Variants in NSUN7 observed in about 807,000 individuals in gnomAD.
NSUN7 encodes the protein protein NSUN7.
A neutral mutation model predicts 58.5 loss-of-function variants in NSUN7; 39 were observed. The observed-to-expected ratio is 0.67, with a 90% confidence interval of 0.52 to 0.87. NSUN7 has a LOEUF of 0.87. Among genes scored for constraint, NSUN7 ranks in the 40% least tolerant of loss-of-function variants. The probability of loss-of-function intolerance (pLI) is 0.00; values close to 1 mark genes in which losing one functional copy is unlikely to be tolerated. For missense variants in NSUN7, 765 were observed against 844.1 expected, an observed-to-expected ratio of 0.91 and a Z score of 1.16; for synonymous variants, 278 against 303.7, an observed-to-expected ratio of 0.92 and a Z score of 0.88.
At chr4:40,791,470 C>T (rs1273571357) in intron 8 of NSUN7, among the ~76,000 whole-genome samples, 4 of 152,108 alleles carry the variant, frequency 2.6e-5, no homozygotes, top group Non-Finnish European at 5.9e-5. Flanking sequence ...ATCTGAGGCT[C>T]AGAGAAGTTA....
intron 4 of NSUN7, among the ~76,000 whole-genome samples, chr4:40,762,934 C>CCTTA (rs1741529395): frequency 3.3e-5 from 5 of 152,212 alleles, no homozygotes; most frequent in Admixed American, 1.3e-4. Context: ...GCTTGATGAT[C>CCTTA]TGAGGTGGAA....
In NSUN7 at chr4:40,780,813, ATTTTTTT is replaced by A. The variant is rs1171816788; in HGVS notation, c.1036+4572_1036+4578del. Among the ~76,000 whole-genome samples, 174 of 63,238 alleles carry A rather than the reference ATTTTTTT, an allele frequency of 2.8e-3. 1 individual carries two copies. The highest frequency in any genetic ancestry group is 0.011 in the African/African-American group (157 of 14,780). 41.5% of individuals were successfully genotyped at this position (63,238 alleles called of 152,430 possible). A position where few individuals can be genotyped will look rare whatever the true frequency, so the allele number is the denominator to read the frequency against. On this transcript the variant is annotated intron_variant, in intron 7 of 11. Transcript: ENST00000381782. ...TACACATATATATATATATATATAT[ATTTTTTT>A]TTTTTTTTTTTTTTTTTGAGACGGT...
chr4:40,759,033 G>GATATAT (rs1741311226), intron 2 of NSUN7, among the ~76,000 whole-genome samples: 1 of 152,152 alleles, frequency 6.6e-6, no homozygotes, highest in African/African-American at 2.4e-5. Flanking sequence ...TTATACGCCG[G>GATATAT]GCACGGTGGC....
At position 40,775,229 on chromosome 4, in the gene NSUN7, C is replaced by T. The variant is rs149698865; in HGVS notation, c.825+279C>T. The stretch of plus-strand genomic sequence containing the variant: ...GGCAGCTGTAAGGTTCTACTTTTCT[C>T]CCCTAAAGGAGAATTCAAGAGAAAG... On this transcript the variant is annotated intron_variant, in intron 6 of 11. Coordinates refer to ENST00000381782, the MANE Select transcript of NSUN7 (RefSeq NM_024677.6). The surrounding 1 kb of genome is among the most constrained non-coding windows in gnomAD (Gnocchi z 4.3). 782 of 184,468 alleles carry T rather than the reference C, an allele frequency of 4.2e-3. 10 individuals carry two copies. Among genetic ancestry groups the T allele is most frequent in the East Asian group, 0.027 (197 of 7,234 alleles). 11.4% of individuals were successfully genotyped at this position (184,468 alleles called of 1,614,324 possible).
At chr4:40,766,263 C>T (rs1304730722) in intron 4 of NSUN7, among the ~76,000 whole-genome samples, 16 of 131,368 alleles carry the variant, frequency 1.2e-4, no homozygotes, top group African/African-American at 4.6e-4. Context: ...CCCATCAATA[C>T]CTAATTTATT....
At chr4:40,764,114 A>C (rs796322575) in intron 4 of NSUN7, among the ~76,000 whole-genome samples, 1 of 151,350 alleles carries the variant, frequency 6.6e-6, no homozygotes, top group Non-Finnish European at 1.5e-5. Flanking sequence ...TTTAGGGTAC[A>C]TGTGCACAAT....
intron 2 of NSUN7, among the ~76,000 whole-genome samples, chr4:40,754,474 G>A (rs1264703760): frequency 6.6e-6 from 1 of 152,082 alleles, no homozygotes; most frequent in African/African-American, 2.4e-5. Context: ...TTAAAATATT[G>A]GAGGCTCTTA....
intron 4 of NSUN7, among the ~76,000 whole-genome samples, chr4:40,769,403 G>A (rs1741892394): frequency 6.6e-6 from 1 of 152,218 alleles, no homozygotes; most frequent in Non-Finnish European, 1.5e-5. Context: ...TAGACAAGAA[G>A]CAGCACAGAA....
chr4:40,762,402 C>G (rs2437321), intron 4 of NSUN7, among the ~76,000 whole-genome samples: 118,500 of 152,084 alleles, frequency 0.78, 46,423 homozygotes, highest in Admixed American at 0.83. Flanking sequence ...ACAATTGTCA[C>G]TGTGATGTCT....
intron 4 of NSUN7, among the ~76,000 whole-genome samples, chr4:40,770,210 C>CAAA (rs36059628): frequency 9.5e-5 from 9 of 94,762 alleles, no homozygotes; most frequent in African/African-American, 3.2e-4. Context: ...AACTCCATCT[C>CAAA]AAAAAAAAAA....
chr4:40,787,599 T>G (rs1303543904), intron 7 of NSUN7, among the ~76,000 whole-genome samples: 1 of 152,180 alleles, frequency 6.6e-6, no homozygotes, highest in Non-Finnish European at 1.5e-5. Flanking sequence ...ATCTGGATAC[T>G]CTTGAATCTG....
At chr4:40,792,562 T>C (rs1054976880) in intron 8 of NSUN7, among the ~76,000 whole-genome samples, 2 of 152,020 alleles carry the variant, frequency 1.3e-5, no homozygotes, top group African/African-American at 4.8e-5. Flanking sequence ...CCATCCTGGC[T>C]AACACGGTGA....
At chr4:40,760,950 A>G (rs1389856061) in intron 3 of NSUN7, among the ~76,000 whole-genome samples, 1 of 151,414 alleles carries the variant, frequency 6.6e-6, no homozygotes, top group Non-Finnish European at 1.5e-5. Flanking sequence ...AACTTCTAAT[A>G]TCATTCATTT....
At position 40,810,192 on chromosome 4, in the gene NSUN7, T is replaced by TGAA. The variant is rs1744136043; in HGVS notation, c.*1255_*1257dup. The TGAA allele has an allele frequency of 6.6e-6, 1 of 151,984 alleles. No individual in the cohort carries two copies. 9.4% of individuals were successfully genotyped at this position (151,984 alleles called of 1,614,324 possible). A position where few individuals can be genotyped will look rare whatever the true frequency, so the allele number is the denominator to read the frequency against. On this transcript the variant is annotated 3_prime_UTR_variant, in exon 12 of 12. Transcript: ENST00000381782. ...GATATTCTATTTTTACTTTCTTACTTGAAGTGAGAAAAGAGAATGGTGAAT... is the reference window on the plus strand; with the variant it reads ...GATATTCTATTTTTACTTTCTTACTTGAAGAAGTGAGAAAAGAGAATGGTGAAT...
intron 2 of NSUN7, among the ~76,000 whole-genome samples, chr4:40,757,855 A>C (rs1021847142): frequency 6.6e-6 from 1 of 151,670 alleles, no homozygotes; most frequent in Non-Finnish European, 1.5e-5. Flanking sequence ...TATTGGGAAA[A>C]GGATGTTCTG....
At chr4:40,794,709 T>C (rs1277562979) in intron 9 of NSUN7, among the ~76,000 whole-genome samples, 1 of 152,236 alleles carries the variant, frequency 6.6e-6, no homozygotes, top group Admixed American at 6.5e-5. Flanking sequence ...AATTTACCAA[T>C]TTTGTAATGC....
intron 2 of NSUN7, among the ~76,000 whole-genome samples, chr4:40,755,659 AAT>A (rs1741106942): frequency 6.6e-6 from 1 of 152,216 alleles, no homozygotes; most frequent in Admixed American, 6.5e-5. Flanking sequence ...AGCTTTTGCG[AAT>A]TAGTAACTGT....
chr4:40,751,114 T>C, intron 2 of NSUN7, 123 bp downstream of exon 2: 2 of 1,016,240 alleles, frequency 2.0e-6, no homozygotes, highest in South Asian at 3.3e-5. Context: ...GGCATGTGCA[T>C]ATCTTTGGTT....
Position 40,808,585 on chromosome 4 carries a change from A to G in NSUN7, c.1803A>G (p.Ser601=). The G allele has an allele frequency of 6.4e-7, 1 of 1,551,676 alleles. No individual in the cohort carries two copies. Among genetic ancestry groups the G allele is most frequent in the Non-Finnish European group, 8.7e-7 (1 of 1,146,998 alleles). ...QKNTAQVGAS[S]QTRKPNKLAP... ...ATACTGCTCAAGTGGGGGCTTCCTC[A>G]CAGACCAGAAAACCCAACAAGCTGG... Residue 601 remains serine, a synonymous_variant, in exon 12 of 12, where the codon TCA becomes TCG. Coordinates refer to ENST00000381782, the MANE Select transcript of NSUN7 (RefSeq NM_024677.6).
Sources: gnomAD v4.1 joint callset for allele counts (sites outside exome capture counted in the v4.1 genomes callset) on GRCh38, gnomAD v4.1.1 for gene constraint, Gnocchi (gnomAD v3.1) non-coding constraint, MANE v1.5 for transcripts, NCBI Gene and HGNC (gene_info 2026-07-23, HGNC 2026-07-21) for gene names.